Variants in DTNA observed in about 807,000 individuals in gnomAD.
The protein encoded by DTNA is dystrophin-related protein 3.
In DTNA, 43 loss-of-function variants were observed where a neutral mutation model predicts 100.7. The ratio of observed to expected loss-of-function variants is 0.43; its 90% CI spans 0.33 to 0.55. DTNA has a LOEUF of 0.55. Ranked by LOEUF, DTNA falls within the 20% of genes least tolerant of loss-of-function variation. The pLI is 0.04. For synonymous variants in DTNA, 349 were observed against 347.9 expected, an observed-to-expected ratio of 1.00 and a Z score of -0.04; for missense variants, 798 against 953.9, an observed-to-expected ratio of 0.84 and a Z score of 2.15.
At chr18:34,606,637 A>G (rs956036176) in intron 1 of DTNA, among the ~76,000 whole-genome samples, 2 of 152,206 alleles carry the variant, frequency 1.3e-5, no homozygotes, top group East Asian at 3.8e-4. Flanking sequence ...GTAGTAAGTT[A>G]TAGACAGTAT....
intron 1 of DTNA, among the ~76,000 whole-genome samples, chr18:34,542,989 AC>A (rs1442862789): frequency 2.6e-5 from 4 of 152,096 alleles, no homozygotes; most frequent in African/African-American, 9.7e-5. Flanking sequence ...GAGTTAGAGA[AC>A]CTGAACTAGC....
chr18:34,774,505 A>G (rs2093946246), intron 3 of DTNA, among the ~76,000 whole-genome samples: 1 of 152,234 alleles, frequency 6.6e-6, no homozygotes, highest in African/African-American at 2.4e-5. Context: ...ATTCATTGTT[A>G]TTAGCAATCA....
chr18:34,669,593 C>T (rs1240944462), intron 1 of DTNA, among the ~76,000 whole-genome samples: 1 of 152,140 alleles, frequency 6.6e-6, no homozygotes, highest in Non-Finnish European at 1.5e-5. Flanking sequence ...TTTAGTGCTT[C>T]CTTCAGGAGC....
intron 15 of DTNA, among the ~76,000 whole-genome samples, 196 bp from the exon 16 acceptor site, chr18:34,858,089 G>A (rs958671484): frequency 8.5e-5 from 13 of 152,112 alleles, no homozygotes; most frequent in Non-Finnish European, 5.9e-5. Flanking sequence ...CAATCTTCCC[G>A]TCACCCACAG....
At chr18:34,683,915 T>C (rs1009299574) in intron 1 of DTNA, among the ~76,000 whole-genome samples, 1 of 152,122 alleles carries the variant, frequency 6.6e-6, no homozygotes, top group Non-Finnish European at 1.5e-5. Flanking sequence ...ATCTAATGAA[T>C]TAGCAAGGAA....
At chr18:34,755,399 T>C (rs1353044097) in intron 1 of DTNA, 1 of 157,524 alleles carries the variant, frequency 6.3e-6, no homozygotes, top group Non-Finnish European at 1.4e-5. Flanking sequence ...AGTTGTTATA[T>C]ACAGGAACTG....
intron 1 of DTNA, among the ~76,000 whole-genome samples, chr18:34,640,315 A>G (rs1036027394): frequency 1.3e-5 from 2 of 152,114 alleles, no homozygotes; most frequent in Admixed American, 6.5e-5. Flanking sequence ...CAACACTCTC[A>G]GGCTGAAAGA....
intron 11 of DTNA, among the ~76,000 whole-genome samples, chr18:34,836,647 CAAAAAAAAAAAA>C (rs749690995): frequency 9.7e-5 from 5 of 51,680 alleles, no homozygotes; most frequent in African/African-American, 3.0e-4. Context: ...GACTCTGTCT[CAAAAAAAAAAAA>C]AAAAAAAAAG....
chr18:34,821,449 A>T, intron 9 of DTNA: 1 of 456,350 alleles, frequency 2.2e-6, no homozygotes, highest in Non-Finnish European at 4.4e-6. Flanking sequence ...TTATCAGAAT[A>T]TCCATAGATT....
At chr18:34,714,646 C>G (rs1439576260) in intron 1 of DTNA, among the ~76,000 whole-genome samples, 1 of 151,614 alleles carries the variant, frequency 6.6e-6, no homozygotes, top group South Asian at 2.1e-4. Flanking sequence ...GGACTGTAAA[C>G]TAGTTCAACC....
intron 1 of DTNA, among the ~76,000 whole-genome samples, chr18:34,685,776 A>G (rs1225276953): frequency 6.6e-6 from 1 of 152,128 alleles, no homozygotes; most frequent in East Asian, 1.9e-4. Context: ...ATGAGCATGG[A>G]ATGTTTTTCC....
intron 1 of DTNA, among the ~76,000 whole-genome samples, chr18:34,749,156 G>A (rs59618809): frequency 0.014 from 2,182 of 152,186 alleles, 54 homozygotes; most frequent in African/African-American, 0.05. Flanking sequence ...ACTGATTTGT[G>A]TACATTGATT....
intron 4 of DTNA, among the ~76,000 whole-genome samples, chr18:34,798,951 T>G (rs918373846): frequency 2.0e-5 from 3 of 152,208 alleles, no homozygotes; most frequent in Non-Finnish European, 4.4e-5. Context: ...TCAGCTCTAT[T>G]CATGCTTTCT....
chr18:34,616,129 G>A (rs113092096), intron 1 of DTNA, among the ~76,000 whole-genome samples: 2 of 152,100 alleles, frequency 1.3e-5, no homozygotes, highest in African/African-American at 2.4e-5. Context: ...GGATCAAATG[G>A]TACTTCTCTT....
chr18:34,699,900 C>G lies in DTNA; in HGVS notation c.-1-56076C>G, dbSNP rs551362607. Among the ~76,000 whole-genome samples, 8 of 152,230 alleles carry G rather than the reference C, an allele frequency of 5.3e-5. 1 individual carries two copies. In the South Asian group the frequency reaches 1.7e-3, roughly 32 times the overall value. The stretch of plus-strand genomic sequence containing the variant: ...CTTGGCTAGCTTAACAAAAAAGAGA[C>G]AGTTGCACTTTAGACAAGGACAGAT... On this transcript the variant is annotated intron_variant, in intron 1 of 19. Transcript: ENST00000283365.
chr18:34,701,266 A>T (rs1205903164), intron 1 of DTNA, among the ~76,000 whole-genome samples: 3 of 152,078 alleles, frequency 2.0e-5, no homozygotes, highest in South Asian at 2.1e-4. Context: ...CATTCCCCCA[A>T]AAAAGGTTCT....
At chr18:34,672,932 T>C (rs1465297165) in intron 1 of DTNA, among the ~76,000 whole-genome samples, 1 of 152,108 alleles carries the variant, frequency 6.6e-6, no homozygotes, top group East Asian at 1.9e-4. Context: ...TATTATATTT[T>C]CCACATTTCC....
At position 34,700,177 on chromosome 18, in the gene DTNA, A is replaced by G. The variant is rs77848843; in HGVS notation, c.-1-55799A>G. 2.6e-3 allele frequency among the ~76,000 whole-genome samples: 395 copies of G among 152,228 alleles called. 2 individuals are homozygous for G. Among genetic ancestry groups the G allele is most frequent in the African/African-American group, 8.8e-3 (367 of 41,556 alleles). On this transcript the variant is annotated intron_variant, in intron 1 of 19. Coordinates refer to the DTNA transcript ENST00000283365. ...ATTCCTACTCCAACTCTTATTTTCA[A>G]TCTTGATTGCTGCAGGATACCTATG...
chr18:34,514,584 T>G (rs1278774394), intron 1 of DTNA, among the ~76,000 whole-genome samples: 1 of 152,126 alleles, frequency 6.6e-6, no homozygotes, highest in East Asian at 1.9e-4. Context: ...TGTCTTAGTC[T>G]GTTCAGACTA....
Sources: gnomAD v4.1 joint callset for allele counts (sites outside exome capture counted in the v4.1 genomes callset) on GRCh38, gnomAD v4.1.1 for gene constraint, MANE v1.5 for transcripts, NCBI Gene and HGNC (gene_info 2026-07-23, HGNC 2026-07-21) for gene names.